The following GLIS3 variants were observed in gnomAD, a reference collection of about 807,000 sequenced individuals.
The protein encoded by GLIS3 is GLIS family zinc finger 3.
A neutral mutation model predicts 78.6 loss-of-function variants in GLIS3; 53 were observed. That is an observed-to-expected ratio of 0.67 (90% CI 0.54 to 0.85). The LOEUF (loss-of-function observed/expected upper bound fraction) is 0.85, where lower values mean the gene tolerates loss of function less well. Among genes scored for constraint, GLIS3 ranks in the 40% least tolerant of loss-of-function variants. GLIS3 has a pLI of 0.00. For synonymous variants in GLIS3, 684 were observed against 509.9 expected, an observed-to-expected ratio of 1.34 and a Z score of -4.60; for missense variants, 1,703 against 1,231.1, an observed-to-expected ratio of 1.38 and a Z score of -5.74.
chr9:4,180,812 G>A (rs1269690042), intron 2 of GLIS3, among the ~76,000 whole-genome samples: 2 of 152,044 alleles, frequency 1.3e-5, no homozygotes, highest in African/African-American at 2.4e-5. Context: ...TGTAGCAGAG[G>A]GCAAAATACC....
At chr9:3,965,320 A>G (rs183874986) in intron 4 of GLIS3, among the ~76,000 whole-genome samples, 73 of 149,700 alleles carry the variant, frequency 4.9e-4, no homozygotes, top group African/African-American at 1.7e-3. Flanking sequence ...CAGCCTCCCG[A>G]ATAGCTGGGA....
the GLIS3 span, among the ~76,000 whole-genome samples, chr9:4,395,494 G>C: frequency 6.6e-6 from 1 of 152,126 alleles, no homozygotes; most frequent in Non-Finnish European, 1.5e-5. Context: ...ATCCAGCTCC[G>C]ATGCTCTAGC....
chr9:3,979,926 G>A (rs1405109846), intron 4 of GLIS3, among the ~76,000 whole-genome samples: 2 of 152,190 alleles, frequency 1.3e-5, no homozygotes, highest in African/African-American at 4.8e-5. Flanking sequence ...ACCGACAGCA[G>A]AATGGGTCAA....
At chr9:4,158,561 G>A (rs1312516162) in intron 2 of GLIS3, among the ~76,000 whole-genome samples, 1 of 152,206 alleles carries the variant, frequency 6.6e-6, no homozygotes, top group African/African-American at 2.4e-5. Context: ...CTGAGATACA[G>A]AAGTTGTCAG....
At chr9:3,930,849 C>G (rs893885420) in intron 6 of GLIS3, among the ~76,000 whole-genome samples, 6 of 152,170 alleles carry the variant, frequency 3.9e-5, no homozygotes, top group Non-Finnish European at 8.8e-5. Context: ...TTTTTTACAA[C>G]TATCATTTAT....
chr9:4,220,661 G>A (rs952842874), intron 2 of GLIS3, among the ~76,000 whole-genome samples: 3 of 152,086 alleles, frequency 2.0e-5, no homozygotes, highest in Non-Finnish European at 4.4e-5. Context: ...AGGAGGCTGA[G>A]GCAGTAGGGT....
intron 4 of GLIS3, among the ~76,000 whole-genome samples, chr9:3,967,939 T>C (rs965772423): frequency 2.0e-5 from 3 of 152,196 alleles, no homozygotes; most frequent in African/African-American, 7.2e-5. Context: ...GAGCAAATAA[T>C]GCTTTGTTGT....
chr9:4,248,496 G>T (rs1229269368), intron 2 of GLIS3, among the ~76,000 whole-genome samples: 2 of 152,074 alleles, frequency 1.3e-5, no homozygotes, highest in Admixed American at 6.5e-5. Flanking sequence ...TCATTGATGG[G>T]CATTTGGGTT....
chr9:4,116,068 T>C (rs1831613243), intron 4 of GLIS3, among the ~76,000 whole-genome samples: 1 of 152,270 alleles, frequency 6.6e-6, no homozygotes, highest in Admixed American at 6.5e-5. Context: ...GTTATATGTC[T>C]TTGCAAAGCC....
chr9:4,175,359 A>G (rs1816722693), intron 2 of GLIS3, among the ~76,000 whole-genome samples: 1 of 152,222 alleles, frequency 6.6e-6, no homozygotes, highest in Non-Finnish European at 1.5e-5. Flanking sequence ...GGGTGAATGG[A>G]GGCAGAGAAA....
chr9:3,855,882 G>A, intron 9 of GLIS3, 127 bp downstream of exon 9: 2 of 1,025,560 alleles, frequency 2.0e-6, no homozygotes, highest in Non-Finnish European at 1.5e-6. Context: ...AATTTTAGAG[G>A]CAAGTCATGA....
intron 2 of GLIS3, among the ~76,000 whole-genome samples, chr9:4,335,713 A>C (rs1401768433): frequency 1.3e-5 from 2 of 151,912 alleles, no homozygotes; most frequent in Non-Finnish European, 2.9e-5. Context: ...ATCTATTTAG[A>C]CCTCTCTTAG....
At chr9:4,205,474 C>A (rs1819792050) in intron 2 of GLIS3, among the ~76,000 whole-genome samples, 2 of 152,214 alleles carry the variant, frequency 1.3e-5, no homozygotes. Flanking sequence ...GAGAAAAAGA[C>A]ATGCTGTCTC....
At chr9:4,001,771 A>C (rs566021731) in intron 4 of GLIS3, among the ~76,000 whole-genome samples, 19 of 152,320 alleles carry the variant, frequency 1.2e-4, no homozygotes, top group Admixed American at 3.3e-4. Context: ...GCTTTCAATA[A>C]ACCAAATACA....
chr9:3,841,197 A>G (rs1437033207), intron 9 of GLIS3, among the ~76,000 whole-genome samples: 1 of 152,216 alleles, frequency 6.6e-6, no homozygotes, highest in South Asian at 2.1e-4. Context: ...CAAATTCTCA[A>G]AATGATAAGC....
chr9:3,864,496 C>G (rs377240491), intron 8 of GLIS3, among the ~76,000 whole-genome samples: 3 of 152,316 alleles, frequency 2.0e-5, no homozygotes, highest in African/African-American at 7.2e-5. Flanking sequence ...ACCAGCAGAA[C>G]TTTGAGAACC....
chr9:4,094,455 G>C (rs918976802), intron 4 of GLIS3, among the ~76,000 whole-genome samples: 4 of 152,158 alleles, frequency 2.6e-5, no homozygotes, highest in Admixed American at 2.0e-4. Flanking sequence ...GACAGGTTAC[G>C]TGCCAGTGCT....
intron 2 of GLIS3, among the ~76,000 whole-genome samples, chr9:4,270,255 A>G (rs1268259481): frequency 1.3e-5 from 2 of 152,136 alleles, no homozygotes; most frequent in African/African-American, 4.8e-5. Flanking sequence ...CTGCTCCTAT[A>G]TTTTGCCTAA....
chr9:4,277,354 A>G (rs1827120436), intron 2 of GLIS3, among the ~76,000 whole-genome samples: 1 of 152,262 alleles, frequency 6.6e-6, no homozygotes, highest in Non-Finnish European at 1.5e-5. Flanking sequence ...TAAGCTCTAG[A>G]TTAAAACCAA....
Sources: gnomAD v4.1 joint callset for allele counts (sites outside exome capture counted in the v4.1 genomes callset) on GRCh38, gnomAD v4.1.1 for gene constraint, MANE v1.5 for transcripts, NCBI Gene and HGNC (gene_info 2026-07-23, HGNC 2026-07-21) for gene names.